The following GTPBP10 variants were observed in gnomAD, a reference collection of about 807,000 sequenced individuals.
The protein encoded by GTPBP10 is GTP binding protein 10.
GTPBP10 carries 38 observed loss-of-function variants against 44.8 expected under a neutral mutation model. The observed-to-expected ratio is 0.85, with a 90% confidence interval of 0.65 to 1.11. GTPBP10 has a LOEUF of 1.11. Among genes scored for constraint, GTPBP10 ranks in the 50% most tolerant of loss-of-function variants. The pLI, the probability that GTPBP10 is intolerant of heterozygous loss-of-function variation, is 0.00. For synonymous variants in GTPBP10, 152 were observed against 150.6 expected, an observed-to-expected ratio of 1.01 and a Z score of -0.07; for missense variants, 462 against 453.7, an observed-to-expected ratio of 1.02 and a Z score of -0.17.
At chr7:90,377,320 A>G (rs1796357728) in intron 6 of GTPBP10, among the ~76,000 whole-genome samples, 187 bp from the exon 7 acceptor site, 1 of 152,240 alleles carries the variant, frequency 6.6e-6, no homozygotes, top group Admixed American at 6.5e-5. Flanking sequence ...CTAATATCTG[A>G]TAACAAAATT....
chr7:90,363,601 C>G (rs150500382), intron 4 of GTPBP10, among the ~76,000 whole-genome samples: 1 of 152,146 alleles, frequency 6.6e-6, no homozygotes, highest in Non-Finnish European at 1.5e-5. Flanking sequence ...GTGAATCTGA[C>G]AATTATGTGT....
intron 1 of GTPBP10, among the ~76,000 whole-genome samples, chr7:90,351,938 C>T (rs753625751): frequency 1.1e-4 from 17 of 152,156 alleles, no homozygotes; most frequent in African/African-American, 1.7e-4. Context: ...ACTCGTGATC[C>T]GCCCACCTTG....
intron 4 of GTPBP10, among the ~76,000 whole-genome samples, chr7:90,360,577 G>C (rs1486212477): frequency 6.6e-6 from 1 of 152,176 alleles, no homozygotes; most frequent in African/African-American, 2.4e-5. Context: ...GTAGCATGAT[G>C]TCTCCAGCTT....
chr7:90,359,751 C>G (rs1795975897), intron 4 of GTPBP10, among the ~76,000 whole-genome samples: 1 of 152,156 alleles, frequency 6.6e-6, no homozygotes, highest in Non-Finnish European at 1.5e-5. Flanking sequence ...AGTTTACAGT[C>G]CCACCAACAA....
At chr7:90,378,594 A>G (rs559471820) in intron 8 of GTPBP10, among the ~76,000 whole-genome samples, 1 of 152,296 alleles carries the variant, frequency 6.6e-6, no homozygotes, top group East Asian at 1.9e-4. Flanking sequence ...TTTAAGTAAC[A>G]TTATTCAGAG....
rs17866354 is a variant in GTPBP10, at chr7:90,386,037, G to C, written c.*883G>C. 1 of 151,748 alleles carries C rather than the reference G, an allele frequency of 6.6e-6. No homozygotes were observed. The allele number at this position is 151,748 out of a possible 1,614,324, so 9.4% of individuals were successfully genotyped here. ...GGTCGCGCCACTGCACTTCAGCCTG[G>C]GTGACAGAGCTAGACTCCATCTCAA... On this transcript the variant is annotated 3_prime_UTR_variant, in exon 10 of 10. Coordinates refer to ENST00000222511, the MANE Select transcript of GTPBP10 (RefSeq NM_033107.4).
At chr7:90,363,074 T>C (rs1343335667) in intron 4 of GTPBP10, among the ~76,000 whole-genome samples, 4 of 151,078 alleles carry the variant, frequency 2.6e-5, no homozygotes, top group African/African-American at 7.3e-5. Context: ...CTCTTGGGTC[T>C]TGACTCTTTA....
At position 90,385,250 on chromosome 7, in the gene GTPBP10, T is replaced by A; in HGVS notation, c.*96T>A. 2.4e-6 allele frequency: 2 copies of A among 842,750 alleles called. No homozygotes were observed. Among genetic ancestry groups the A allele is most frequent in the Non-Finnish European group, 3.6e-6 (2 of 562,928 alleles). 52.2% of individuals were successfully genotyped at this position (842,750 alleles called of 1,614,324 possible). On this transcript the variant is annotated 3_prime_UTR_variant, in exon 10 of 10. Coordinates refer to ENST00000222511, the MANE Select transcript of GTPBP10 (RefSeq NM_033107.4). The stretch of plus-strand genomic sequence containing the variant: ...AACCTGGAGGACATGTTAAGTAAAA[T>A]AAGCCAGGCTTAGAAAGACAAATGC...
At chr7:90,350,701 G>A (rs548988264) in intron 1 of GTPBP10, among the ~76,000 whole-genome samples, 43 of 152,306 alleles carry the variant, frequency 2.8e-4, no homozygotes, top group African/African-American at 9.9e-4. Flanking sequence ...CACAAAAAGT[G>A]CAAGGTTTTC....
At chr7:90,367,360 A>T (rs1796155253) in intron 4 of GTPBP10, among the ~76,000 whole-genome samples, 1 of 151,800 alleles carries the variant, frequency 6.6e-6, no homozygotes, top group Non-Finnish European at 1.5e-5. Flanking sequence ...TGTCTCGTTG[A>T]TCTAATATTG....
intron 6 of GTPBP10, 46 bp from the exon 7 acceptor site, chr7:90,377,461 T>C: frequency 1.5e-6 from 2 of 1,338,020 alleles, no homozygotes; most frequent in Non-Finnish European, 2.1e-6. Flanking sequence ...GAACTTGCGG[T>C]TTTCATACAT....
chr7:90,350,474 A>AC (rs1795769284), intron 1 of GTPBP10, among the ~76,000 whole-genome samples: 1 of 151,908 alleles, frequency 6.6e-6, no homozygotes, highest in Non-Finnish European at 1.5e-5. Flanking sequence ...TGAGGAATCT[A>AC]GAACTGTCTT....
Position 90,352,877 on chromosome 7 carries a change from A to T in GTPBP10, c.95A>T (p.Tyr32Phe), listed in dbSNP as rs1314621080. The change falls in exon 2 of 10, where the codon TAT becomes TTT. Residue 32 changes from tyrosine (Y) to phenylalanine (F), a missense_variant. Coordinates refer to ENST00000222511, the MANE Select transcript of GTPBP10 (RefSeq NM_033107.4). ...AGGGGAGGATCCGGTGGAATGGGTT[A>T]TCCTCGTTTAGGTGGAGAAGGTGGA... is the stretch of plus-strand genomic sequence containing the variant. ...FTRGGSGGMG[Y>F]PRLGGEGGKG... The T allele has an allele frequency of 6.2e-7, 1 of 1,613,984 alleles. No homozygotes were observed. Among genetic ancestry groups the T allele is most frequent in the Non-Finnish European group, 8.5e-7 (1 of 1,179,954 alleles).
At chr7:90,375,949 G>A (rs552805132) in intron 6 of GTPBP10, among the ~76,000 whole-genome samples, 32 of 152,020 alleles carry the variant, frequency 2.1e-4, no homozygotes, top group South Asian at 6.3e-4. Flanking sequence ...ACAAGTGGCC[G>A]GGTGTGGTGG....
intron 4 of GTPBP10, among the ~76,000 whole-genome samples, chr7:90,362,132 T>G (rs771998346): frequency 1.2e-3 from 176 of 152,134 alleles, no homozygotes; most frequent in Non-Finnish European, 2.1e-3. Context: ...CTCTATTTCC[T>G]TCATTTCTGC....
rs941762034 is a variant in GTPBP10, at chr7:90,388,065, G to A, written c.*2911G>A. 3.3e-5 allele frequency: 5 copies of A among 152,068 alleles called. No homozygotes were observed. The highest frequency in any genetic ancestry group is 6.6e-5 in the Admixed American group (1 of 15,264). 9.4% of individuals were successfully genotyped at this position (152,068 alleles called of 1,614,324 possible). ...CCAGGGTGCCACTCCATGACTAACC[G>A]AAACATTTTATTATGTGACTCACTA... is the stretch of plus-strand genomic sequence containing the variant. On this transcript the variant is annotated 3_prime_UTR_variant, in exon 10 of 10. Transcript: ENST00000222511.
At chr7:90,368,671 TTATTC>T (rs1398472061) in intron 4 of GTPBP10, among the ~76,000 whole-genome samples, 2 of 152,206 alleles carry the variant, frequency 1.3e-5, no homozygotes, top group Non-Finnish European at 2.9e-5. Flanking sequence ...TCTACACTGT[TTATTC>T]TAATTAGCCA....
chr7:90,374,580 GTCT>G (rs927137131), intron 6 of GTPBP10, among the ~76,000 whole-genome samples: 1 of 152,100 alleles, frequency 6.6e-6, no homozygotes, highest in Non-Finnish European at 1.5e-5. Flanking sequence ...ACAACATTAT[GTCT>G]TCTTCTTAGC....
chr7:90,371,405 A>T (rs1212586121), intron 4 of GTPBP10: 1 of 153,598 alleles, frequency 6.5e-6, no homozygotes, highest in Non-Finnish European at 1.4e-5. Flanking sequence ...TCCTTCAAAA[A>T]AATATGAAAA....
Sources: allele counts gnomAD v4.1 joint callset (sites outside exome capture counted in the v4.1 genomes callset), GRCh38; gene constraint gnomAD v4.1.1; transcripts MANE v1.5; gene names NCBI Gene and HGNC (gene_info 2026-07-23, HGNC 2026-07-21).